Variants in NOSTRIN observed in about 807,000 individuals in gnomAD.
The protein encoded by NOSTRIN is BM247 homolog.
In NOSTRIN, 63 loss-of-function variants were observed where a neutral mutation model predicts 59.0. The observed-to-expected ratio is 1.07, with a 90% confidence interval of 0.87 to 1.32. The LOEUF (loss-of-function observed/expected upper bound fraction) is 1.32, where lower values mean the gene tolerates loss of function less well. NOSTRIN is among the 40% of genes most tolerant of loss of function. NOSTRIN has a pLI of 0.00. For synonymous variants in NOSTRIN, 200 were observed against 165.4 expected (o/e 1.21, Z -1.61); for missense variants, 512 against 473.1 (o/e 1.08, Z -0.76).
chr2:168,847,447 G>A (rs997958262), intron 8 of NOSTRIN, among the ~76,000 whole-genome samples: 5 of 152,068 alleles, frequency 3.3e-5, no homozygotes, highest in Admixed American at 6.5e-5. Flanking sequence ...TATAAAGAGG[G>A]GTCTAGATAT....
chr2:168,852,555 C>G (rs1688832950), intron 10 of NOSTRIN, among the ~76,000 whole-genome samples: 3 of 152,158 alleles, frequency 2.0e-5, no homozygotes, highest in African/African-American at 7.2e-5. Context: ...ATATTTTATT[C>G]AGGATTTCAA....
chr2:168,797,079 C>CTTTTT (rs775176252), upstream of NOSTRIN, among the ~76,000 whole-genome samples: 71 of 75,024 alleles, frequency 9.5e-4, no homozygotes, highest in South Asian at 1.3e-3. Flanking sequence ...TTTCTTTTTT[C>CTTTTT]TTTTTTTTTT....
chr2:168,808,645 C>G (rs1262054236), intron 1 of NOSTRIN, among the ~76,000 whole-genome samples: 1 of 152,044 alleles, frequency 6.6e-6, no homozygotes, highest in Non-Finnish European at 1.5e-5. Context: ...CTAAATAAAT[C>G]AAATAAGAAA....
intron 5 of NOSTRIN, among the ~76,000 whole-genome samples, chr2:168,829,246 A>G (rs830020): frequency 0.38 from 58,115 of 151,580 alleles, 11,622 homozygotes; most frequent in South Asian, 0.61. Context: ...CTTCTAGAAC[A>G]GTTTTTCTTT....
intron 8 of NOSTRIN, among the ~76,000 whole-genome samples, chr2:168,849,394 TG>T (rs1289964317): frequency 2.6e-5 from 4 of 152,044 alleles, no homozygotes; most frequent in Non-Finnish European, 5.9e-5. Context: ...CTCACTCTTT[TG>T]CACAGGCTGG....
intron 7 of NOSTRIN, among the ~76,000 whole-genome samples, chr2:168,841,936 G>A (rs1369884037): frequency 1.3e-5 from 2 of 152,122 alleles, no homozygotes; most frequent in Non-Finnish European, 2.9e-5. Context: ...GACTGTGTGG[G>A]GAAACCCAGT....
At chr2:168,796,978 T>C (rs1685494978), upstream of NOSTRIN, among the ~76,000 whole-genome samples, 1 of 152,152 alleles carries the variant, frequency 6.6e-6, no homozygotes, top group Admixed American at 6.5e-5. Context: ...ATTGAACACT[T>C]ACTTTGCTCC....
chr2:168,855,809 T>G, intron 11 of NOSTRIN: 1 of 443,838 alleles, frequency 2.3e-6, no homozygotes, highest in Non-Finnish European at 4.4e-6. Flanking sequence ...CATGAGAGTT[T>G]TGGATGAGTT....
intron 2 of NOSTRIN, among the ~76,000 whole-genome samples, chr2:168,791,467 T>C (rs1685350720): frequency 6.6e-6 from 1 of 152,204 alleles, no homozygotes; most frequent in Non-Finnish European, 1.5e-5. Context: ...GTGCTTTGTG[T>C]TTATAGCAGC....
At chr2:168,834,009 G>A in intron 6 of NOSTRIN, 1 of 471,980 alleles carries the variant, frequency 2.1e-6, no homozygotes, top group Non-Finnish European at 3.8e-6. Flanking sequence ...GAGTTCTCCG[G>A]ACAAAGTGTT....
At chr2:168,818,736 T>C (rs988156779) in intron 2 of NOSTRIN, among the ~76,000 whole-genome samples, 15 of 152,282 alleles carry the variant, frequency 9.9e-5, no homozygotes, top group African/African-American at 3.6e-4. Context: ...CTAATGAAAA[T>C]ATATTGACCA....
intron 1 of NOSTRIN, among the ~76,000 whole-genome samples, chr2:168,803,048 C>A (rs1414687417): frequency 6.6e-6 from 1 of 152,122 alleles, no homozygotes; most frequent in African/African-American, 2.4e-5. Flanking sequence ...CAATTTTTGG[C>A]TCTGAGAATA....
intron 4 of NOSTRIN, 64 bp downstream of exon 4, chr2:168,828,284 G>T: frequency 2.3e-6 from 2 of 871,530 alleles, no homozygotes; most frequent in Non-Finnish European, 4.0e-6. Flanking sequence ...AAGTGGGTTT[G>T]CTACAAATAT....
intron 1 of NOSTRIN, among the ~76,000 whole-genome samples, chr2:168,804,056 G>A (rs985043362): frequency 6.6e-6 from 1 of 152,216 alleles, no homozygotes; most frequent in African/African-American, 2.4e-5. Flanking sequence ...ATGGACAGAA[G>A]ACAGGGAAAT....
chr2:168,799,333 TATTA>T (rs941168789), upstream of NOSTRIN, among the ~76,000 whole-genome samples: 3 of 152,216 alleles, frequency 2.0e-5, no homozygotes, highest in African/African-American at 4.8e-5. Flanking sequence ...AGGTTGTTAA[TATTA>T]ATTCCAAAAC....
At chr2:168,794,890 G>C (rs556907033), upstream of NOSTRIN, among the ~76,000 whole-genome samples, 4 of 152,192 alleles carry the variant, frequency 2.6e-5, no homozygotes. Context: ...ACTGCACCTG[G>C]CTCTTAGTAA....
chr2:168,843,137 T>A lies in NOSTRIN; in HGVS notation c.630+20T>A, dbSNP rs191215265. 1.9e-5 allele frequency: 16 copies of A among 857,606 alleles called. No homozygotes were observed. The East Asian group carries it at 3.9e-4, about 21-fold the overall frequency. 53.1% of individuals were successfully genotyped at this position (857,606 alleles called of 1,614,324 possible). On this transcript the variant is annotated intron_variant, in intron 8 of 15. Coordinates refer to ENST00000317647, the MANE Select transcript of NOSTRIN (RefSeq NM_001039724.4). Reference sequence around the variant, plus strand: ...TACCAGGTAAGTTATATATTCACATTTTTTTCTTCTTCTGTGGAGCTTTGT... The same window carrying A: ...TACCAGGTAAGTTATATATTCACATATTTTTCTTCTTCTGTGGAGCTTTGT...
At chr2:168,847,036 A>G (rs966346598) in intron 8 of NOSTRIN, among the ~76,000 whole-genome samples, 1 of 152,230 alleles carries the variant, frequency 6.6e-6, no homozygotes, top group Non-Finnish European at 1.5e-5. Context: ...TAAAGGCAGC[A>G]AACATCCCAA....
chr2:168,838,762 A>G (rs1039410758), intron 7 of NOSTRIN, among the ~76,000 whole-genome samples: 16 of 151,146 alleles, frequency 1.1e-4, no homozygotes, highest in African/African-American at 3.9e-4. Flanking sequence ...AGGCTTCCCA[A>G]TGACTTCAGA....
Sources: gnomAD v4.1 joint callset for allele counts (sites outside exome capture counted in the v4.1 genomes callset) on GRCh38, gnomAD v4.1.1 for gene constraint, MANE v1.5 for transcripts, NCBI Gene and HGNC (gene_info 2026-07-23, HGNC 2026-07-21) for gene names.